The following RB1 variants were observed in gnomAD, a reference collection of about 807,000 sequenced individuals.
RB1 encodes RB transcriptional corepressor 1.
A neutral mutation model predicts 135.4 loss-of-function variants in RB1; 18 were observed. That is an observed-to-expected ratio of 0.13 (90% confidence interval 0.09 to 0.20). The LOEUF (loss-of-function observed/expected upper bound fraction) is 0.20, where lower values mean the gene tolerates loss of function less well. RB1 is among the 10% of genes least tolerant of loss of function. RB1 has a pLI of 1.00. For synonymous variants in RB1, 365 were observed against 373.2 expected (o/e 0.98, Z 0.25); for missense variants, 868 against 1,110.0 (o/e 0.78, Z 3.10).
Position 48,368,427 on chromosome 13 carries a change from GA to G in RB1, c.1050-99del, listed in dbSNP as rs1164182406. Reference sequence around the variant, plus strand: ...CTATTATTGAGTTATCATTTTATATGATTTTATGAGACAACAGAAGCATTAT... The same window carrying G: ...CTATTATTGAGTTATCATTTTATATGTTTTATGAGACAACAGAAGCATTAT... On this transcript the variant is annotated intron_variant, in intron 10 of 26. Transcript: ENST00000267163. The G allele has an allele frequency of 2.2e-5, 32 of 1,463,602 alleles. No individual in the cohort carries two copies. The African/African-American group carries it at 4.0e-4, about 18-fold the overall frequency. The allele number at this position is 1,463,602 out of a possible 1,614,324, so 90.7% of individuals were successfully genotyped here.
At chr13:48,435,079 G>A (rs1037435463) in intron 17 of RB1, among the ~76,000 whole-genome samples, 1 of 152,174 alleles carries the variant, frequency 6.6e-6, no homozygotes, top group African/African-American at 2.4e-5. Flanking sequence ...AATGCCTAAT[G>A]AGTAAAATTG....
intron 24 of RB1, among the ~76,000 whole-genome samples, chr13:48,475,450 C>A (rs995150017): frequency 2.0e-5 from 3 of 152,200 alleles, no homozygotes; most frequent in Non-Finnish European, 2.9e-5. Flanking sequence ...TGGCTATTGG[C>A]CCCTCTATTG....
At chr13:48,411,782 A>G (rs1060587) in intron 17 of RB1, 1 of 1,611,478 alleles carries the variant, frequency 6.2e-7, no homozygotes, top group South Asian at 1.1e-5. Context: ...TTAATGTAAC[A>G]GGTTTGGTTA....
At chr13:48,344,717 A>G (rs1261435767) in intron 3 of RB1, among the ~76,000 whole-genome samples, 1 of 152,192 alleles carries the variant, frequency 6.6e-6, no homozygotes, top group Non-Finnish European at 1.5e-5. Context: ...AAGAGTTACA[A>G]ATATAGAAAG....
intron 17 of RB1, among the ~76,000 whole-genome samples, chr13:48,436,630 C>G (rs1224501347): frequency 1.4e-5 from 2 of 147,656 alleles, no homozygotes; most frequent in East Asian, 2.0e-4. Context: ...GTGACAAGAG[C>G]AAGACTCTCT....
At chr13:48,379,540 A>G (rs980452916) in intron 13 of RB1, 54 bp from the exon 14 acceptor site, 10 of 1,567,356 alleles carry the variant, frequency 6.4e-6, no homozygotes, top group African/African-American at 1.4e-5. Context: ...AAAATTTCAT[A>G]ATTGTGATTT....
At chr13:48,442,535 G>C (rs138271173) in intron 17 of RB1, among the ~76,000 whole-genome samples, 3 of 152,082 alleles carry the variant, frequency 2.0e-5, no homozygotes, top group African/African-American at 7.2e-5. Flanking sequence ...ACTGTACTTA[G>C]GATAAATTCC....
At chr13:48,388,898 GC>G (rs752720540) in intron 17 of RB1, among the ~76,000 whole-genome samples, 1 of 152,092 alleles carries the variant, frequency 6.6e-6, no homozygotes, top group African/African-American at 2.4e-5. Flanking sequence ...AATGGCTCCC[GC>G]CTGTAATCCC....
intron 7 of RB1, 55 bp from the exon 8 acceptor site, chr13:48,362,760 A>C: frequency 6.4e-7 from 1 of 1,554,232 alleles, no homozygotes; most frequent in Non-Finnish European, 8.9e-7. Flanking sequence ...AGAATACTTC[A>C]TTATTTTATA....
At chr13:48,387,052 A>G (rs892106436) in intron 17 of RB1, among the ~76,000 whole-genome samples, 2 of 152,202 alleles carry the variant, frequency 1.3e-5, no homozygotes, top group Admixed American at 6.5e-5. Flanking sequence ...TTATCTGAAA[A>G]GGTTATTAAA....
rs4151525 is a variant in RB1 at position 48,373,902 on chromosome 13, C to G, written c.1215+410C>G. 8.5e-3 allele frequency among the ~76,000 whole-genome samples: 1,300 copies of G among 152,158 alleles called. 62 individuals are homozygous for G. In the East Asian group the frequency reaches 0.12, roughly 14 times the overall value. Reference sequence around the variant, plus strand: ...TTGTGAGATAGCTTTGCTCGATCTTCAATTCCAGGTTGACATTTACTTTTT... The same window carrying G: ...TTGTGAGATAGCTTTGCTCGATCTTGAATTCCAGGTTGACATTTACTTTTT... On this transcript the variant is annotated intron_variant, in intron 12 of 26. Transcript: ENST00000267163.
intron 14 of RB1, 35 bp from the exon 15 acceptor site, chr13:48,380,017 CA>C (rs1404334169): frequency 1.1e-6 from 1 of 926,550 alleles, no homozygotes; most frequent in African/African-American, 2.2e-5. Flanking sequence ...TTCAATTAAA[CA>C]ACTTCTTTTT....
chr13:48,412,622 T>C, intron 17 of RB1: 1 of 607,320 alleles, frequency 1.6e-6, no homozygotes, highest in Non-Finnish European at 3.0e-6. Flanking sequence ...TCCGCTGGGT[T>C]CTTCAACAGG....
chr13:48,447,676 A>G lies in RB1; in HGVS notation c.1696-5317A>G, dbSNP rs1301271233. Among the ~76,000 whole-genome samples the G allele has an allele frequency of 3.3e-5, 5 of 152,296 alleles. No homozygotes were observed. The East Asian group carries it at 9.6e-4, about 29-fold the overall frequency. Reference sequence around the variant, plus strand: ...AGCTTATTGAGGGTCATGTAGCTACAGGTGGCCAGGATTTGAACCCATGTA... The same window carrying G: ...AGCTTATTGAGGGTCATGTAGCTACGGGTGGCCAGGATTTGAACCCATGTA... On this transcript the variant is annotated intron_variant, in intron 17 of 26. Transcript: ENST00000267163.
At chr13:48,454,320 T>A (rs1386282269) in intron 18 of RB1, among the ~76,000 whole-genome samples, 2 of 152,232 alleles carry the variant, frequency 1.3e-5, no homozygotes, top group Non-Finnish European at 2.9e-5. Flanking sequence ...TCTGTATTAG[T>A]GCAGGGGCCA....
chr13:48,338,222 G>T lies in RB1; in HGVS notation c.265-4377G>T, dbSNP rs373242166. 2.6e-5 allele frequency among the ~76,000 whole-genome samples: 4 copies of T among 152,124 alleles called. No individual in the cohort carries two copies. The South Asian group carries it at 8.3e-4, about 32-fold the overall frequency. ...CTGTATTTCCTGAATTTGAATGTTG[G>T]CCTGCCTTGCTAGGTTGGGGAAGTT... On this transcript the variant is annotated intron_variant, in intron 2 of 26. Coordinates refer to ENST00000267163, the MANE Select transcript of RB1 (RefSeq NM_000321.3).
intron 21 of RB1, among the ~76,000 whole-genome samples, chr13:48,464,541 G>T (rs198590): frequency 6.6e-6 from 1 of 151,998 alleles, no homozygotes; most frequent in Non-Finnish European, 1.5e-5. Context: ...TTGCAATTGC[G>T]TAATGTATAC....
In RB1 at chr13:48,313,394, T is replaced by C. The variant is rs574881050; in HGVS notation, c.264+5988T>C. Among the ~76,000 whole-genome samples the C allele has an allele frequency of 4.0e-3, 613 of 151,972 alleles. 6 individuals carry two copies. The highest frequency in any genetic ancestry group is 6.3e-3 in the Admixed American group (97 of 15,284). ...TATTTTTTTTTTGGTGGTGGTTTTT[T>C]TTTTGGTTGCTTGGGCTTTTGATGT... On this transcript the variant is annotated intron_variant, in intron 2 of 26. Transcript: ENST00000267163.
intron 17 of RB1, among the ~76,000 whole-genome samples, chr13:48,438,449 A>C (rs756300052): frequency 5.3e-5 from 8 of 152,034 alleles, no homozygotes; most frequent in Non-Finnish European, 1.2e-4. Context: ...GTTTTCTCTA[A>C]TGCTCCTAAT....
Sources: allele counts gnomAD v4.1 joint callset (sites outside exome capture counted in the v4.1 genomes callset), GRCh38; gene constraint gnomAD v4.1.1; transcripts MANE v1.5; gene names NCBI Gene and HGNC (gene_info 2026-07-23, HGNC 2026-07-21).